IQCH: variants seen among roughly 807,000 people sequenced by gnomAD.
IQCH encodes IQ domain-containing protein H.
A neutral mutation model predicts 117.0 loss-of-function variants in IQCH; 98 were observed. The ratio of observed to expected loss-of-function variants is 0.84; its 90% CI spans 0.71 to 0.99. The LOEUF (loss-of-function observed/expected upper bound fraction) is 0.99. Ranked by LOEUF, IQCH falls within the 50% of genes least tolerant of loss-of-function variation. IQCH has a pLI of 0.00. For missense variants in IQCH, 1,102 were observed against 1,243.8 expected (o/e 0.89, Z 1.72); for synonymous variants, 412 against 448.2 (o/e 0.92, Z 1.02).
At chr15:67,269,938 G>A (rs4776910) in intron 3 of IQCH, among the ~76,000 whole-genome samples, 151,393 of 152,312 alleles carry the variant, frequency 0.99, 75,251 homozygotes, top group Middle Eastern at 1. Context: ...TAATGTTGCA[G>A]TAAACATGGG....
rs1216257156 is a variant in IQCH, at chr15:67,364,190, C to G, written c.753+4305C>G. ...TTCCCACTGGCAGTGTATAAGCATT[C>G]CCTTTTCTCTGCAACCTCACCAGCA... On this transcript the variant is annotated intron_variant, in intron 8 of 20. Coordinates refer to ENST00000335894, the MANE Select transcript of IQCH (RefSeq NM_001031715.3). The surrounding 1 kb of genome is among the most constrained non-coding windows in gnomAD (Gnocchi z 4.1). Among the ~76,000 whole-genome samples the G allele has an allele frequency of 1.3e-5, 2 of 152,156 alleles. No individual in the cohort carries two copies. The highest frequency in any genetic ancestry group is 3.8e-4 in the East Asian group (2 of 5,196).
Position 67,465,348 on chromosome 15 carries a change from G to A in IQCH, c.2676+51G>A. ...TTCTCGGTGTTCAGCAACACCCACT[G>A]CCACTGCCTGAGCTCTGTCTAGGAG... is the stretch of plus-strand genomic sequence containing the variant. On this transcript the variant is annotated intron_variant, in intron 17 of 20. Transcript: ENST00000335894. The surrounding 1 kb of genome is among the most constrained non-coding windows in gnomAD (Gnocchi z 5.9). 6.4e-7 allele frequency: 1 copy of A among 1,566,940 alleles called. No homozygotes were observed. Among genetic ancestry groups the A allele is most frequent in the Non-Finnish European group, 8.7e-7 (1 of 1,150,538 alleles).
chr15:67,374,094 AG>A (rs1224690659), intron 10 of IQCH: 8 of 152,326 alleles, frequency 5.3e-5, no homozygotes, highest in Admixed American at 5.2e-4. Flanking sequence ...CTGGTAAAAA[AG>A]GTATGCCAAA....
chr15:67,330,582 G>T (rs1048357704), intron 4 of IQCH, among the ~76,000 whole-genome samples: 4 of 152,120 alleles, frequency 2.6e-5, no homozygotes, highest in African/African-American at 9.7e-5. Flanking sequence ...TGGCAGAGTG[G>T]TAGGACATAG....
chr15:67,316,051 G>A (rs1001145404), intron 4 of IQCH, among the ~76,000 whole-genome samples: 1 of 152,146 alleles, frequency 6.6e-6, no homozygotes, highest in Non-Finnish European at 1.5e-5. Flanking sequence ...TGTGTAGCTG[G>A]TGAGAGGCCC....
chr15:67,341,450 T>C (rs996936889), intron 5 of IQCH, among the ~76,000 whole-genome samples: 1 of 152,016 alleles, frequency 6.6e-6, no homozygotes, highest in Non-Finnish European at 1.5e-5. Context: ...TAACTTGCCA[T>C]CCATAAATGA....
chr15:67,296,534 T>G lies in IQCH; in HGVS notation c.387+17022T>G, dbSNP rs139728554. On this transcript the variant is annotated intron_variant, in intron 4 of 20. Transcript: ENST00000335894. Reference sequence around the variant, plus strand: ...TTCAGTGATTAGAGGCAGGCCATCATGCAGAAGATGGATTGGAAGCAAAGA... The same window carrying G: ...TTCAGTGATTAGAGGCAGGCCATCAGGCAGAAGATGGATTGGAAGCAAAGA... Among the ~76,000 whole-genome samples the G allele has an allele frequency of 9.2e-5, 14 of 152,202 alleles. No individual in the cohort carries two copies. The East Asian group carries it at 2.7e-3, about 29-fold the overall frequency.
chr15:67,286,911 C>T (rs1966585399), intron 4 of IQCH, among the ~76,000 whole-genome samples: 1 of 152,166 alleles, frequency 6.6e-6, no homozygotes. Flanking sequence ...CCACGCCCGG[C>T]CTATATATGG....
chr15:67,362,708 G>A (rs1446366246), intron 8 of IQCH, among the ~76,000 whole-genome samples: 1 of 152,138 alleles, frequency 6.6e-6, no homozygotes, highest in Non-Finnish European at 1.5e-5. Context: ...ATAGCCCCAG[G>A]GAAAGAAGAG....
At chr15:67,290,814 A>G (rs1966724650) in intron 4 of IQCH, among the ~76,000 whole-genome samples, 1 of 152,176 alleles carries the variant, frequency 6.6e-6, no homozygotes, top group Admixed American at 6.6e-5. Context: ...CCAGCTCTGG[A>G]ATGCAGAGAT....
chr15:67,417,053 T>A lies in IQCH; in HGVS notation c.2218+2T>A. The A allele has an allele frequency of 6.2e-7, 1 of 1,600,156 alleles. No individual in the cohort carries two copies. ...TCCTCCAAACATTTCTCAGTCAAGG[T>A]AAATAAGACTGTAAAGTTTCTATTG... On this transcript the variant is annotated splice_donor_variant, in intron 15 of 20. Transcript: ENST00000335894. LOFTEE classifies it high-confidence loss of function. The surrounding 1 kb of genome is among the most constrained non-coding windows in gnomAD (Gnocchi z 4.3).
chr15:67,328,161 T>G (rs201067028), intron 4 of IQCH, among the ~76,000 whole-genome samples: 1 of 15,922 alleles, frequency 6.3e-5, no homozygotes, highest in African/African-American at 1.3e-4. Flanking sequence ...TTGTTTTTAG[T>G]TTTTTTTTTA....
chr15:67,396,848 C>T (rs1245305201), intron 13 of IQCH, among the ~76,000 whole-genome samples: 3 of 152,362 alleles, frequency 2.0e-5, no homozygotes, highest in East Asian at 3.9e-4. Flanking sequence ...TTTGAAGATA[C>T]TATTAGCTTA....
chr15:67,487,459 A>C (rs891375451), intron 18 of IQCH, among the ~76,000 whole-genome samples: 4 of 117,972 alleles, frequency 3.4e-5, no homozygotes, highest in South Asian at 5.3e-4. Flanking sequence ...CACACACACA[A>C]CCCTCATTAA....
In IQCH at chr15:67,479,117, T is replaced by C. The variant is rs1277902791; in HGVS notation, c.2799+3299T>C. On this transcript the variant is annotated intron_variant, in intron 18 of 20. Coordinates refer to ENST00000335894, the MANE Select transcript of IQCH (RefSeq NM_001031715.3). This position sits in a 1 kb window ranked among gnomAD's most constrained non-coding sequence, Gnocchi z 4.6. ...TCTTCACTTGCTGTCTTAATTGCCT[T>C]TTCTTGGATGGGAGGTTGGTAAGTG... 3.3e-5 allele frequency among the ~76,000 whole-genome samples: 5 copies of C among 152,136 alleles called. No homozygotes were observed. Among genetic ancestry groups the C allele is most frequent in the Non-Finnish European group, 5.9e-5 (4 of 68,016 alleles).
chr15:67,421,455 G>C lies in IQCH; in HGVS notation c.2383G>C (p.Asp795His), dbSNP rs1228111713. ...TACCACCGTGCCTCAGACCTCAGTGGATCCCCAAGTTCTCACTTATTTGTG... is the reference window on the plus strand; with the variant it reads ...TACCACCGTGCCTCAGACCTCAGTGCATCCCCAAGTTCTCACTTATTTGTG... ...SGTTVPQTSV[D>H]PQVLTYLCLQ... Residue 795 changes from aspartate to histidine, a missense_variant, in exon 16 of 21, where the codon GAT (aspartate) becomes CAT (histidine). Physicochemically the swap from Asp to His is moderately conservative, Grantham distance 81 (BLOSUM62 -1). Around this residue, in one of 2 missense-constraint regions of IQCH, gnomAD observed 650 missense variants for 794.3 expected, o/e 0.82. Coordinates refer to ENST00000335894, the MANE Select transcript of IQCH (RefSeq NM_001031715.3). 1 of 1,614,170 alleles carries C rather than the reference G, an allele frequency of 6.2e-7. No individual in the cohort carries two copies.
chr15:67,312,088 A>G lies in IQCH; in HGVS notation c.388-24887A>G, dbSNP rs533299116. 3.3e-5 allele frequency among the ~76,000 whole-genome samples: 5 copies of G among 152,286 alleles called. No individual in the cohort carries two copies. The East Asian group carries it at 5.8e-4, about 18-fold the overall frequency. Reference sequence around the variant, plus strand: ...TGAACTTGAGTATTTGTTTGATTACATACTGAGAGATAGTGTTTCTAACCT... The same window carrying G: ...TGAACTTGAGTATTTGTTTGATTACGTACTGAGAGATAGTGTTTCTAACCT... On this transcript the variant is annotated intron_variant, in intron 4 of 20. Coordinates refer to ENST00000335894, the MANE Select transcript of IQCH (RefSeq NM_001031715.3).
intron 4 of IQCH, among the ~76,000 whole-genome samples, chr15:67,289,207 T>G (rs1170389688): frequency 6.6e-6 from 1 of 152,136 alleles, no homozygotes; most frequent in Non-Finnish European, 1.5e-5. Flanking sequence ...AGAGAACTAT[T>G]TATAATTTTT....
At position 67,474,455 on chromosome 15, in the gene IQCH, T is replaced by C. The variant is rs1443873334; in HGVS notation, c.2677-1241T>C. 3.3e-5 allele frequency among the ~76,000 whole-genome samples: 5 copies of C among 152,302 alleles called. No homozygotes were observed. Among genetic ancestry groups the C allele is most frequent in the Non-Finnish European group, 2.9e-5 (2 of 68,026 alleles). On this transcript the variant is annotated intron_variant, in intron 17 of 20. Transcript: ENST00000335894. The surrounding 1 kb of genome is among the most constrained non-coding windows in gnomAD (Gnocchi z 4.1). The stretch of plus-strand genomic sequence containing the variant: ...CAGCTATCTAGAGAAAAACAGCTGA[T>C]TGACTAAGGCAAATATCACATCTCA...
Sources: allele counts gnomAD v4.1 joint callset (sites outside exome capture counted in the v4.1 genomes callset), GRCh38; gene constraint gnomAD v4.1.1; regional missense constraint gnomAD v4.1.1; non-coding constraint Gnocchi (gnomAD v3.1); transcripts MANE v1.5; gene names NCBI Gene and HGNC (gene_info 2026-07-23, HGNC 2026-07-21).